The following SPTB variants were observed in gnomAD, a reference collection of about 807,000 sequenced individuals.
SPTB encodes the protein spectrin beta, erythrocytic, also known as spectrin beta chain, erythrocytic.
In SPTB, 45 loss-of-function variants were observed where a neutral mutation model predicts 256.2. That is an observed-to-expected ratio of 0.18 (90% CI 0.14 to 0.23). The LOEUF is 0.23. Ranked by LOEUF, SPTB falls within the 10% of genes least tolerant of loss-of-function variation. SPTB has a pLI of 1.00. For missense variants in SPTB, 2,715 were observed against 3,040.4 expected (o/e 0.89, Z 2.52); for synonymous variants, 1,231 against 1,243.1 (o/e 0.99, Z 0.21).
At chr14:64,754,182 G>A (rs1313329460) in intron 32 of SPTB, 3 of 364,282 alleles carry the variant, frequency 8.2e-6, no homozygotes, top group African/African-American at 4.2e-5. Context: ...CCTTGCTGCA[G>A]CCAGACACTC....
intron 8 of SPTB, 130 bp from the exon 9 acceptor site, chr14:64,800,064 G>T: frequency 8.4e-7 from 1 of 1,194,238 alleles, no homozygotes; most frequent in Non-Finnish European, 1.2e-6. Context: ...GCTCTAGGCT[G>T]GGTTTGTTCC....
chr14:64,763,756 T>TA (rs751053704), intron 32 of SPTB: 1 of 519,028 alleles, frequency 1.9e-6, no homozygotes, highest in South Asian at 1.4e-5. Flanking sequence ...CCCATGCACT[T>TA]ACCTGTATGA....
At position 64,795,204 on chromosome 14, in the gene SPTB, C is replaced by A. The variant is rs988893398; in HGVS notation, c.1644+133G>T. On this transcript the variant is annotated intron_variant, in intron 12 of 35. Transcript: ENST00000644917. This position sits in a 1 kb window ranked among gnomAD's most constrained non-coding sequence, Gnocchi z 6.5. ...GCAGGTGCAGCTAGACACTTTGCTG[C>A]CTCAGTTTCTCTATTTTGACTCAGA... is the stretch of plus-strand genomic sequence containing the variant. The A allele has an allele frequency of 2.8e-6, 3 of 1,077,604 alleles. No individual in the cohort carries two copies. The highest frequency in any genetic ancestry group is 4.0e-6 in the Non-Finnish European group (3 of 755,164). The allele number at this position is 1,077,604 out of a possible 1,614,324, so 66.8% of individuals were successfully genotyped here.
At chr14:64,783,230 G>GTC (rs1181937446) in intron 19 of SPTB, among the ~76,000 whole-genome samples, 1 of 151,096 alleles carries the variant, frequency 6.6e-6, no homozygotes, top group Non-Finnish European at 1.5e-5. Context: ...TTGAGACAGC[G>GTC]TCTCTCTCTG....
At chr14:64,808,167 C>G (rs916186702) in intron 2 of SPTB, among the ~76,000 whole-genome samples, 1 of 152,174 alleles carries the variant, frequency 6.6e-6, no homozygotes, top group Admixed American at 6.5e-5. Flanking sequence ...TGTGTGCCAC[C>G]ACGCCTGGAT....
chr14:64,761,161 A>G (rs1240174455), intron 32 of SPTB, among the ~76,000 whole-genome samples: 1 of 152,202 alleles, frequency 6.6e-6, no homozygotes, highest in Non-Finnish European at 1.5e-5. Flanking sequence ...CTGGCCGCCA[A>G]GAAGTGTTGC....
intron 2 of SPTB, among the ~76,000 whole-genome samples, chr14:64,805,528 C>G (rs959315659): frequency 6.6e-6 from 1 of 152,142 alleles, no homozygotes; most frequent in African/African-American, 2.4e-5. Context: ...CCTTTAAGAG[C>G]CAGTATAAAT....
rs566924367 is a variant in SPTB, at chr14:64,807,045, C to T, written c.149-1955G>A. On this transcript the variant is annotated intron_variant, in intron 2 of 35. Transcript: ENST00000644917. This position sits in a 1 kb window ranked among gnomAD's most constrained non-coding sequence, Gnocchi z 4.7. ...TAACTAAAGGGAGTTTGATGCCATA[C>T]TGGACGGAAAGCAATTGCACTTATT... Among the ~76,000 whole-genome samples, 22 of 152,324 alleles carry T rather than the reference C, an allele frequency of 1.4e-4. No individual in the cohort carries two copies. The highest frequency in any genetic ancestry group is 4.3e-4 in the African/African-American group (18 of 41,564).
chr14:64,754,200 GA>G (rs2081991377), intron 32 of SPTB: 2 of 341,260 alleles, frequency 5.9e-6, no homozygotes, highest in Non-Finnish European at 1.1e-5. Flanking sequence ...CTCGTATGAG[GA>G]AAGTTCTGCT....
In SPTB at chr14:64,803,816, G is replaced by A. The variant is rs572237215; in HGVS notation, c.301-36C>T. The stretch of plus-strand genomic sequence containing the variant: ...GCAGTGGCCCCCGTGGGCATGGAGG[G>A]ACTGCACAGTCATCCCAGAGGCTGC... On this transcript the variant is annotated intron_variant, in intron 3 of 35. Transcript: ENST00000644917. 3 of 1,573,684 alleles carry A rather than the reference G, an allele frequency of 1.9e-6. No homozygotes were observed. The Admixed American group carries it at 5.6e-5, about 29-fold the overall frequency.
At chr14:64,850,984 A>C (rs2083774420) in intron 1 of SPTB, among the ~76,000 whole-genome samples, 1 of 152,216 alleles carries the variant, frequency 6.6e-6, no homozygotes, top group Non-Finnish European at 1.5e-5. Flanking sequence ...GTCTATGTAC[A>C]TGTCACATTC....
rs2082651380 is a variant in SPTB at position 64,790,538 on chromosome 14, G to A, written c.2804+1181C>T. On this transcript the variant is annotated intron_variant, in intron 15 of 35. Coordinates refer to ENST00000644917, the MANE Select transcript of SPTB (RefSeq NM_001355436.2). This position sits in a 1 kb window ranked among gnomAD's most constrained non-coding sequence, Gnocchi z 4.8. ...GGAATCTCCTAAACCGCACTCTGCA[G>A]CTTGGGCTGCTAAGACAATCATCCC... is the stretch of plus-strand genomic sequence containing the variant. Among the ~76,000 whole-genome samples, 1 of 152,214 alleles carries A rather than the reference G, an allele frequency of 6.6e-6. No homozygotes were observed. The highest frequency in any genetic ancestry group is 2.4e-5 in the African/African-American group (1 of 41,456).
rs565594262 is a variant in SPTB at position 64,841,714 on chromosome 14, A to C, written c.-51-18569T>G. Reference sequence around the variant, plus strand: ...GAGTCAGAGGGAAATGTCTACGTCTAATCTCCCAGCTGCCCTCTGACATCC... The same window carrying C: ...GAGTCAGAGGGAAATGTCTACGTCTCATCTCCCAGCTGCCCTCTGACATCC... On this transcript the variant is annotated intron_variant, in intron 1 of 35. Transcript: ENST00000644917. This position sits in a 1 kb window ranked among gnomAD's most constrained non-coding sequence, Gnocchi z 4.6. Among the ~76,000 whole-genome samples the C allele has an allele frequency of 4.0e-5, 6 of 151,878 alleles. No homozygotes were observed. In the East Asian group the frequency reaches 1.2e-3, roughly 29 times the overall value.
Position 64,794,500 on chromosome 14 carries a change from T to C in SPTB, c.1762A>G (p.Thr588Ala). Residue 588 changes from threonine to alanine, a missense_variant, in exon 13 of 36, where the codon ACC (threonine) becomes GCC (alanine). Transcript: ENST00000644917. ...TCGGTGAACTTCAGGGTGGCTGCGG[T>C]GATGGCCTTCACTTTGTCCCCTTGG... is the stretch of plus-strand genomic sequence containing the variant. ...AIQGDKVKAITAATLKFTEGK... is the reference protein window; with the variant it reads ...AIQGDKVKAIAAATLKFTEGK... The C allele has an allele frequency of 6.2e-7, 1 of 1,614,134 alleles. No homozygotes were observed. The highest frequency in any genetic ancestry group is 8.5e-7 in the Non-Finnish European group (1 of 1,180,030).
intron 15 of SPTB, among the ~76,000 whole-genome samples, chr14:64,791,360 G>A (rs1409224518): frequency 6.6e-6 from 1 of 152,082 alleles, no homozygotes; most frequent in Non-Finnish European, 1.5e-5. Flanking sequence ...TTGAGGCCAG[G>A]AATGAGACCA....
At chr14:64,789,574 G>A (rs990196950) in intron 15 of SPTB, among the ~76,000 whole-genome samples, 5 of 152,146 alleles carry the variant, frequency 3.3e-5, no homozygotes, top group Admixed American at 2.6e-4. Context: ...GCTGACATTT[G>A]AGCTGAGACC....
At position 64,796,599 on chromosome 14, in the gene SPTB, C is replaced by T. The variant is rs867629503; in HGVS notation, c.1299G>A (p.Met433Ile). The T allele has an allele frequency of 6.2e-7, 1 of 1,614,252 alleles. No homozygotes were observed. The highest frequency in any genetic ancestry group is 8.5e-7 in the Non-Finnish European group (1 of 1,180,044). ...LARRFDRKAAMRETWLSENQR... is the reference protein window; with the variant it reads ...LARRFDRKAAIRETWLSENQR... ...GGTTTTCACTGAGCCAGGTCTCTCT[C>T]ATTGCGGCCTTCCGGTCAAAGCGCC... Residue 433 changes from methionine to isoleucine, a missense_variant, in exon 11 of 36, where the codon ATG becomes ATA. Met to Ile is a conservative substitution (Grantham distance 10). Coordinates refer to ENST00000644917, the MANE Select transcript of SPTB (RefSeq NM_001355436.2). This position sits in a 1 kb window ranked among gnomAD's most constrained non-coding sequence, Gnocchi z 4.1.
chr14:64,753,263 C>G (rs1168050050), intron 33 of SPTB, among the ~76,000 whole-genome samples: 1 of 152,198 alleles, frequency 6.6e-6, no homozygotes, highest in Non-Finnish European at 1.5e-5. Flanking sequence ...CTGTTCTCAT[C>G]CTCTCCTTCC....
rs564018644 is a variant in SPTB, at chr14:64,806,288, C to A, written c.149-1198G>T. Among the ~76,000 whole-genome samples, 1 of 152,282 alleles carries A rather than the reference C, an allele frequency of 6.6e-6. No individual in the cohort carries two copies. The highest frequency in any genetic ancestry group is 1.9e-4 in the East Asian group (1 of 5,184). ...AGTTTGGTGGCAATTAGCTTCTGGG[C>A]ACTTAGGTTTGAAGATTCAGGGAAG... is the stretch of plus-strand genomic sequence containing the variant. On this transcript the variant is annotated intron_variant, in intron 2 of 35. Transcript: ENST00000644917. The surrounding 1 kb of genome is among the most constrained non-coding windows in gnomAD (Gnocchi z 4.1).
Sources: gnomAD v4.1 joint callset for allele counts (sites outside exome capture counted in the v4.1 genomes callset) on GRCh38, gnomAD v4.1.1 for gene constraint, Gnocchi (gnomAD v3.1) non-coding constraint, MANE v1.5 for transcripts, NCBI Gene and HGNC (gene_info 2026-07-23, HGNC 2026-07-21) for gene names.